DCAKD: variants seen among roughly 807,000 people sequenced by gnomAD.
DCAKD encodes the protein dephospho-CoA kinase domain containing.
DCAKD carries 15 observed loss-of-function variants against 18.7 expected under a neutral mutation model. The observed-to-expected ratio is 0.80, with a 90% CI of 0.54 to 1.24. The LOEUF (loss-of-function observed/expected upper bound fraction) is 1.24, where lower values mean the gene tolerates loss of function less well. Among genes scored for constraint, DCAKD ranks in the 50% most tolerant of loss-of-function variants. DCAKD has a pLI of 0.00. For missense variants in DCAKD, 301 were observed against 322.0 expected, an observed-to-expected ratio of 0.93 and a Z score of 0.50; for synonymous variants, 130 against 133.0, an observed-to-expected ratio of 0.98 and a Z score of 0.16.
chr17:45,052,871 TAAAGCA>T (rs2053736094), upstream of DCAKD, among the ~76,000 whole-genome samples: 1 of 143,826 alleles, frequency 7.0e-6, no homozygotes, highest in Non-Finnish European at 1.5e-5. Context: ...TCAAAAAAAA[TAAAGCA>T]TCTAGGCCGG....
At chr17:45,032,930 G>A (rs1444285916) in intron 3 of DCAKD, among the ~76,000 whole-genome samples, 1 of 152,212 alleles carries the variant, frequency 6.6e-6, no homozygotes, top group Non-Finnish European at 1.5e-5. Context: ...ATCTCCAGCA[G>A]CCCTAGGCCA....
At chr17:45,025,535 T>C (rs2053035528) in intron 4 of DCAKD, among the ~76,000 whole-genome samples, 1 of 152,116 alleles carries the variant, frequency 6.6e-6, no homozygotes, top group African/African-American at 2.4e-5. Flanking sequence ...ACTCCCTCTC[T>C]TGCCTTGGGC....
intron 1 of DCAKD, among the ~76,000 whole-genome samples, chr17:45,060,693 G>A (rs540943917): frequency 1.3e-5 from 2 of 152,352 alleles, no homozygotes; most frequent in African/African-American, 4.8e-5. Context: ...CTTAGGGTCA[G>A]TGCTTCGCAC....
At chr17:45,056,949 A>AGGGAGAAATACAAAATACAGAAACCCT (rs1742752609) in intron 1 of DCAKD, among the ~76,000 whole-genome samples, 2 of 150,832 alleles carry the variant, frequency 1.3e-5, no homozygotes, top group South Asian at 4.2e-4. Flanking sequence ...TTGTATTTTC[A>AGGGAGAAATACAAAATACAGAAACCCT]GTAGAGACAG....
At chr17:45,034,414 G>C in intron 2 of DCAKD, 24 bp from the exon 3 acceptor site, 2 of 1,612,474 alleles carry the variant, frequency 1.2e-6, no homozygotes, top group Non-Finnish European at 1.7e-6. Context: ...AAGAAGCTGG[G>C]TCACTCCCTG....
chr17:45,052,955 G>A (rs1263068791), upstream of DCAKD, among the ~76,000 whole-genome samples: 2 of 151,908 alleles, frequency 1.3e-5, no homozygotes, highest in African/African-American at 4.8e-5. Flanking sequence ...CCTGAGGTCA[G>A]GAGTTTGAGA....
At chr17:45,033,159 A>G (rs2053208406) in intron 3 of DCAKD, among the ~76,000 whole-genome samples, 3 of 152,146 alleles carry the variant, frequency 2.0e-5, no homozygotes, top group African/African-American at 7.2e-5. Context: ...CACTTTGGCC[A>G]GCATAGTGAG....
upstream of DCAKD, chr17:45,054,139 C>G (rs1257621713): frequency 1.9e-6 from 1 of 518,774 alleles, no homozygotes; most frequent in Non-Finnish European, 3.8e-6. Context: ...TCCAAAAGGG[C>G]CATTTGGTAC....
intron 1 of DCAKD, among the ~76,000 whole-genome samples, chr17:45,058,008 CAAAAAAA>C (rs1183133616): frequency 1.0e-4 from 3 of 28,992 alleles, no homozygotes; most frequent in East Asian, 8.4e-4. Flanking sequence ...GATTCCGTCT[CAAAAAAA>C]AAAAAAAAAA....
At chr17:45,047,116 C>A (rs1299453591) in intron 1 of DCAKD, among the ~76,000 whole-genome samples, 2 of 131,948 alleles carry the variant, frequency 1.5e-5, no homozygotes, top group Non-Finnish European at 3.1e-5. Context: ...GTTCAAAGAA[C>A]TGAGTGATAT....
At position 45,024,621 on chromosome 17, in the gene DCAKD, G is replaced by A. The variant is rs1240115938; in HGVS notation, c.508C>T (p.Arg170Cys). The change falls in exon 5 of 5, where the codon CGC becomes TGC. Residue 170 changes from arginine (R) to cysteine (C), a missense_variant. Arg to Cys is a radical substitution (Grantham distance 180). Transcript: ENST00000651974. The part of the protein sequence containing the change: ...NAQLPLTDKA[R>C]MARHVLDNSG... ...TTGTCTAGGACATGGCGGGCCATGC[G>A]GGCCTTGTCTGTCAGGGGCAGCTGG... 3.1e-6 allele frequency: 5 copies of A among 1,613,972 alleles called. No individual in the cohort carries two copies. Among genetic ancestry groups the A allele is most frequent in the South Asian group, 1.1e-5 (1 of 91,076 alleles).
chr17:45,050,640 C>A (rs371604519), intron 1 of DCAKD, among the ~76,000 whole-genome samples: 4 of 152,056 alleles, frequency 2.6e-5, no homozygotes, highest in Non-Finnish European at 4.4e-5. Flanking sequence ...TGTGCCACAC[C>A]AACTCAATCT....
upstream of DCAKD, among the ~76,000 whole-genome samples, chr17:45,056,044 A>G (rs569978467): frequency 2.7e-4 from 41 of 151,898 alleles, no homozygotes; most frequent in African/African-American, 9.2e-4. Flanking sequence ...AATCCCAGCT[A>G]CTCAGGAGGC....
chr17:45,056,752 G>A (rs531104851), intron 1 of DCAKD, among the ~76,000 whole-genome samples: 3 of 152,096 alleles, frequency 2.0e-5, no homozygotes, highest in East Asian at 1.9e-4. Flanking sequence ...TGGGATTATA[G>A]GCATGAGCCA....
chr17:45,059,065 C>T (rs2053819786), intron 1 of DCAKD, among the ~76,000 whole-genome samples: 1 of 151,920 alleles, frequency 6.6e-6, no homozygotes, highest in Non-Finnish European at 1.5e-5. Flanking sequence ...ACGGTGAAAC[C>T]CCGTCTCTAC....
At chr17:45,038,750 G>C (rs917735411) in intron 1 of DCAKD, among the ~76,000 whole-genome samples, 4 of 152,112 alleles carry the variant, frequency 2.6e-5, no homozygotes, top group Admixed American at 6.5e-5. Flanking sequence ...TGTGGAAACA[G>C]ACCAACAGCT....
rs567517919 is a variant in DCAKD, at chr17:45,051,361, C to G, written c.-115G>C. On this transcript the variant is annotated splice_region_variant and 5_prime_UTR_variant, in exon 1 of 5. Transcript: ENST00000651974. ...GGGCCGTGGATATAAAAGCACTTGC[C>G]TTAGTGCTGGCCGCATACGACGCGC... The G allele has an allele frequency of 2.0e-5, 3 of 152,208 alleles. No homozygotes were observed. The highest frequency in any genetic ancestry group is 7.2e-5 in the African/African-American group (3 of 41,450). 9.4% of individuals were successfully genotyped at this position (152,208 alleles called of 1,614,324 possible). A position where few individuals can be genotyped will look rare whatever the true frequency, so the allele number is the denominator to read the frequency against.
At position 45,024,287 on chromosome 17, in the gene DCAKD, G is replaced by A. The variant is rs573216841; in HGVS notation, c.*146C>T. On this transcript the variant is annotated 3_prime_UTR_variant, in exon 5 of 5. Coordinates refer to ENST00000651974, the MANE Select transcript of DCAKD (RefSeq NM_001288655.2). ...GGCCCAGCCCTGATTCGGAGAGTCC[G>A]TGTGTGTGTGTGTGTGTGTGTGTGT... The A allele has an allele frequency of 2.5e-5, 10 of 392,668 alleles. No individual in the cohort carries two copies. Among genetic ancestry groups the A allele is most frequent in the African/African-American group, 8.1e-5 (1 of 12,282 alleles). 24.3% of individuals were successfully genotyped at this position (392,668 alleles called of 1,614,324 possible).
chr17:45,044,027 A>G (rs2053504380), intron 1 of DCAKD, among the ~76,000 whole-genome samples: 1 of 152,122 alleles, frequency 6.6e-6, no homozygotes, highest in South Asian at 2.1e-4. Context: ...AAAGTTAGGA[A>G]CAAACTTTGT....
Sources: allele counts gnomAD v4.1 joint callset (sites outside exome capture counted in the v4.1 genomes callset), GRCh38; gene constraint gnomAD v4.1.1; transcripts MANE v1.5; gene names NCBI Gene and HGNC (gene_info 2026-07-23, HGNC 2026-07-21).